Variants in C8A observed in about 807,000 individuals in gnomAD.
C8A encodes the protein complement component C8 alpha chain.
C8A carries 67 observed loss-of-function variants against 65.3 expected under a neutral mutation model. The observed-to-expected ratio is 1.03, with a 90% confidence interval of 0.84 to 1.26. C8A has a LOEUF of 1.26. Among genes scored for constraint, C8A ranks in the 50% most tolerant of loss-of-function variants. The probability of loss-of-function intolerance (pLI) is 0.00; values close to 1 mark genes in which losing one functional copy is unlikely to be tolerated. For missense variants in C8A, 781 were observed against 723.9 expected, an observed-to-expected ratio of 1.08 and a Z score of -0.90; for synonymous variants, 290 against 259.4, an observed-to-expected ratio of 1.12 and a Z score of -1.13.
chr1:56,866,702 TTTGAAG>T (rs1644091719), intron 1 of C8A, among the ~76,000 whole-genome samples: 1 of 152,206 alleles, frequency 6.6e-6, no homozygotes, highest in African/African-American at 2.4e-5. Flanking sequence ...CCAATCTGGC[TTTGAAG>T]TTGTAGCAGT....
chr1:56,876,022 G>A (rs780901305), intron 3 of C8A, 40 bp from the exon 4 acceptor site: 2 of 1,606,640 alleles, frequency 1.2e-6, no homozygotes, highest in African/African-American at 1.3e-5. Flanking sequence ...TCTGGAGGGA[G>A]AGGGGAACCC....
intron 2 of C8A, among the ~76,000 whole-genome samples, chr1:56,872,552 G>A (rs1644156373): frequency 6.6e-6 from 1 of 152,048 alleles, no homozygotes. Context: ...TGAATTGTGG[G>A]AAAAAGGGTG....
At chr1:56,870,116 T>A (rs1240208348) in intron 2 of C8A, among the ~76,000 whole-genome samples, 1 of 152,074 alleles carries the variant, frequency 6.6e-6, no homozygotes, top group African/African-American at 2.4e-5. Context: ...CCTGTATTAG[T>A]TTCTTGAGTT....
intron 2 of C8A, among the ~76,000 whole-genome samples, chr1:56,873,770 G>A (rs1017991195): frequency 4.6e-5 from 7 of 152,100 alleles, no homozygotes; most frequent in South Asian, 2.1e-4. Flanking sequence ...TTTCCTTGTC[G>A]GCCACTGTGT....
chr1:56,858,950 T>C (rs1644003765), intron 1 of C8A, among the ~76,000 whole-genome samples: 1 of 152,246 alleles, frequency 6.6e-6, no homozygotes, highest in South Asian at 2.1e-4. Flanking sequence ...AGATAATACA[T>C]ATTTCTTAGA....
At chr1:56,883,373 A>G in intron 5 of C8A, 108 bp from the exon 6 acceptor site, 2 of 956,080 alleles carry the variant, frequency 2.1e-6, no homozygotes, top group South Asian at 1.4e-5. Flanking sequence ...ATTACCTACC[A>G]TAATCTAAAA....
At position 56,886,223 on chromosome 1, in the gene C8A, G is replaced by T. The variant is rs551289165; in HGVS notation, c.1096+56G>T. The stretch of plus-strand genomic sequence containing the variant: ...TAGTCAACACAGACACCAGGTCATG[G>T]TTTGAAGTTTTCTAAGCACTGACTA... On this transcript the variant is annotated intron_variant, in intron 7 of 10. Coordinates refer to ENST00000361249, the MANE Select transcript of C8A (RefSeq NM_000562.3). 21 of 1,608,174 alleles carry T rather than the reference G, an allele frequency of 1.3e-5. No individual in the cohort carries two copies. In the East Asian group the frequency reaches 4.2e-4, roughly 32 times the overall value.
chr1:56,865,387 C>T (rs555869993), intron 1 of C8A, among the ~76,000 whole-genome samples: 2 of 152,242 alleles, frequency 1.3e-5, no homozygotes, highest in Admixed American at 6.5e-5. Context: ...AACAGGTGAT[C>T]GTCTTCTAGC....
intron 4 of C8A, among the ~76,000 whole-genome samples, chr1:56,879,895 C>T (rs1426525241): frequency 6.6e-6 from 1 of 152,152 alleles, no homozygotes; most frequent in Non-Finnish European, 1.5e-5. Context: ...TCCCCTGCTC[C>T]TTTCCTGCCT....
At chr1:56,894,336 CCA>C (rs1644372109) in intron 7 of C8A, among the ~76,000 whole-genome samples, 1 of 152,144 alleles carries the variant, frequency 6.6e-6, no homozygotes, top group South Asian at 2.1e-4. Context: ...ATTTCTGTCT[CCA>C]GAGCTTCATC....
intron 4 of C8A, among the ~76,000 whole-genome samples, chr1:56,877,787 C>A (rs1004599342): frequency 5.3e-5 from 8 of 152,078 alleles, no homozygotes; most frequent in Non-Finnish European, 1.2e-4. Flanking sequence ...TGCAGCCCAC[C>A]CAAGGACAAG....
In C8A at chr1:56,865,443, C is replaced by G. The variant is rs541556680; in HGVS notation, c.78-2166C>G. ...GGGATGTGGGAGGTCCCTGTGATCT[C>G]TTTAATGAGGGCACTAATTCCATTC... is the stretch of plus-strand genomic sequence containing the variant. On this transcript the variant is annotated intron_variant, in intron 1 of 10. Coordinates refer to ENST00000361249, the MANE Select transcript of C8A (RefSeq NM_000562.3). Among the ~76,000 whole-genome samples, 7 of 152,332 alleles carry G rather than the reference C, an allele frequency of 4.6e-5. No individual in the cohort carries two copies. The South Asian group carries it at 1.4e-3, about 32-fold the overall frequency.
Position 56,867,708 on chromosome 1 carries a change from A to G in C8A, c.171+6A>G, listed in dbSNP as rs763285842. 2.5e-6 allele frequency: 4 copies of G among 1,608,732 alleles called. No individual in the cohort carries two copies. The highest frequency in any genetic ancestry group is 3.4e-6 in the Non-Finnish European group (4 of 1,175,342). ...TTCCGTGCCAGGACAAAAAGGTGAG[A>G]CACTTACAACCGGTTTGGGGGCATT... On this transcript the variant is annotated splice_donor_region_variant and intron_variant, in intron 2 of 10. Transcript: ENST00000361249.
chr1:56,889,857 C>T (rs1293328865), intron 7 of C8A, among the ~76,000 whole-genome samples: 1 of 152,062 alleles, frequency 6.6e-6, no homozygotes, highest in Non-Finnish European at 1.5e-5. Context: ...CATCAAAAAT[C>T]AAGGGAAGTC....
At chr1:56,911,070 T>G (rs1488013545) in intron 9 of C8A, among the ~76,000 whole-genome samples, 5 of 151,638 alleles carry the variant, frequency 3.3e-5, no homozygotes, top group East Asian at 3.9e-4. Flanking sequence ...CATGGGTTTT[T>G]TTTTTTTTTT....
intron 2 of C8A, among the ~76,000 whole-genome samples, chr1:56,868,057 C>T (rs1451181389): frequency 6.6e-6 from 1 of 151,872 alleles, no homozygotes; most frequent in East Asian, 1.9e-4. Flanking sequence ...ACAAAGCTGC[C>T]CATGAGGAGA....
intron 1 of C8A, among the ~76,000 whole-genome samples, chr1:56,859,970 C>T (rs1045320677): frequency 2.6e-5 from 4 of 152,160 alleles, no homozygotes; most frequent in African/African-American, 4.8e-5. Context: ...GACTGAGGCA[C>T]GAGAATTGCT....
chr1:56,886,323 C>CTGAG lies in C8A; in HGVS notation c.1096+157_1096+160dup, dbSNP rs769296688. The stretch of plus-strand genomic sequence containing the variant: ...CATAAGTATTATTACTCCCAAGGAA[C>CTGAG]TGAGATCCAGAAGAGTGAGACTTGC... On this transcript the variant is annotated intron_variant, in intron 7 of 10. Transcript: ENST00000361249. 3.9e-5 allele frequency among the ~76,000 whole-genome samples: 6 copies of CTGAG among 152,128 alleles called. 1 individual carries two copies. The highest frequency in any genetic ancestry group is 6.5e-5 in the Admixed American group (1 of 15,278).
At chr1:56,877,602 G>A (rs1237832624) in intron 4 of C8A, among the ~76,000 whole-genome samples, 5 of 152,166 alleles carry the variant, frequency 3.3e-5, no homozygotes, top group Non-Finnish European at 7.3e-5. Flanking sequence ...CTCTTTGAGG[G>A]CAGAGGTTGC....
Sources: allele counts gnomAD v4.1 joint callset (sites outside exome capture counted in the v4.1 genomes callset), GRCh38; gene constraint gnomAD v4.1.1; transcripts MANE v1.5; gene names NCBI Gene and HGNC (gene_info 2026-07-23, HGNC 2026-07-21).